Variants in ACOX2 observed in about 807,000 individuals in gnomAD.
The protein encoded by ACOX2 is peroxisomal acyl-coenzyme A oxidase 2.
In ACOX2, 59 loss-of-function variants were observed where a neutral mutation model predicts 77.5. The ratio of observed to expected loss-of-function variants is 0.76; its 90% confidence interval spans 0.62 to 0.95. The LOEUF is 0.95. ACOX2 is among the 40% of genes least tolerant of loss of function. The pLI is 0.00. For synonymous variants in ACOX2, 317 were observed against 340.1 expected, an observed-to-expected ratio of 0.93 and a Z score of 0.75; for missense variants, 837 against 880.4, an observed-to-expected ratio of 0.95 and a Z score of 0.62.
rs1389382201 is a variant in ACOX2 at position 58,534,190 on chromosome 3, G to T, written c.324-45C>A. 9 of 1,609,856 alleles carry T rather than the reference G, an allele frequency of 5.6e-6. No individual in the cohort carries two copies. The highest frequency in any genetic ancestry group is 6.8e-6 in the Non-Finnish European group (8 of 1,178,086). ...TAGTTGAGTAGCTTATTGGAGACAG[G>T]GGCCCAGGTACCCCCTGCCTGAGCA... On this transcript the variant is annotated intron_variant, in intron 3 of 14. Transcript: ENST00000302819. This position sits in a 1 kb window ranked among gnomAD's most constrained non-coding sequence, Gnocchi z 4.8.
rs749577684 is a variant in ACOX2 at position 58,531,734 on chromosome 3, A to G, written c.662T>C (p.Ile221Thr). The G allele has an allele frequency of 2.5e-6, 4 of 1,614,104 alleles. No individual in the cohort carries two copies. In the African/African-American group the frequency reaches 5.3e-5, roughly 22 times the overall value. The change falls in exon 6 of 15, where the codon ATT (isoleucine) becomes ACT (threonine). Residue 221 changes from isoleucine (I) to threonine (T), a missense_variant. Transcript: ENST00000302819. This position sits in a 1 kb window ranked among gnomAD's most constrained non-coding sequence, Gnocchi z 5.8. ...SGARRGMHAF[I>T]VPIRSLQDHT... ...GTCCTGAAGACTCCGGATTGGCACA[A>G]TAAAAGCGTGCATGCCCCGCCTGGC...
chr3:58,520,887 A>G (rs555466037), intron 12 of ACOX2, among the ~76,000 whole-genome samples: 1 of 152,170 alleles, frequency 6.6e-6, no homozygotes, highest in Non-Finnish European at 1.5e-5. Flanking sequence ...AAGGGAAAGC[A>G]TCTGGACTCA....
rs947236082 is a variant in ACOX2, at chr3:58,505,837, C to T, written c.1984-551G>A. 6.6e-6 allele frequency among the ~76,000 whole-genome samples: 1 copy of T among 152,004 alleles called. No individual in the cohort carries two copies. The highest frequency in any genetic ancestry group is 1.5e-5 in the Non-Finnish European group (1 of 68,002). On this transcript the variant is annotated intron_variant, in intron 14 of 14. Coordinates refer to ENST00000302819, the MANE Select transcript of ACOX2 (RefSeq NM_003500.4). This position sits in a 1 kb window ranked among gnomAD's most constrained non-coding sequence, Gnocchi z 4.4. ...AGACAGTATTGCTCTGTTGCCCAGG[C>T]TGGAGTGCAGTGGTGCGATTTTGGC...
Position 58,522,376 on chromosome 3 carries a change from G to T in ACOX2, c.1632+120C>A. On this transcript the variant is annotated intron_variant, in intron 12 of 14. Coordinates refer to ENST00000302819, the MANE Select transcript of ACOX2 (RefSeq NM_003500.4). The surrounding 1 kb of genome is among the most constrained non-coding windows in gnomAD (Gnocchi z 4.3). ...TGGACTAAAGCCTTGGAAGTGAAAT[G>T]AGGGCAGCCGCCACTGAAGCAGAGT... 1 of 907,610 alleles carries T rather than the reference G, an allele frequency of 1.1e-6. No individual in the cohort carries two copies. The highest frequency in any genetic ancestry group is 1.7e-6 in the Non-Finnish European group (1 of 580,592). The allele number at this position is 907,610 out of a possible 1,614,324, so 56.2% of individuals were successfully genotyped here.
Position 58,534,341 on chromosome 3 carries a change from C to T in ACOX2, c.323+19G>A, listed in dbSNP as rs752602795. The T allele has an allele frequency of 1.9e-6, 3 of 1,613,394 alleles. No homozygotes were observed. Among genetic ancestry groups the T allele is most frequent in the Non-Finnish European group, 2.5e-6 (3 of 1,179,574 alleles). On this transcript the variant is annotated intron_variant, in intron 3 of 14. Transcript: ENST00000302819. This position sits in a 1 kb window ranked among gnomAD's most constrained non-coding sequence, Gnocchi z 4.8. ...CCAGGTAGATCCCTCTCTAGTGGGG[C>T]TGCTCGAGGAGTGAGCACCTGTAAG...
rs1242325617 is a variant in ACOX2, at chr3:58,530,455, G to A, written c.992+11C>T. The A allele has an allele frequency of 1.9e-6, 3 of 1,612,472 alleles. No homozygotes were observed. ...CATATCTGCGGTAGTCAGTCACTGG[G>A]CACCCCTTGCCTGGGCCGGAGCCGG... On this transcript the variant is annotated intron_variant, in intron 8 of 14. Transcript: ENST00000302819.
Position 58,512,524 on chromosome 3 carries a change from C to T in ACOX2, c.1851-3499G>A, listed in dbSNP as rs2063295723. Among the ~76,000 whole-genome samples the T allele has an allele frequency of 1.3e-5, 2 of 152,186 alleles. No homozygotes were observed. Among genetic ancestry groups the T allele is most frequent in the African/African-American group, 2.4e-5 (1 of 41,448 alleles). On this transcript the variant is annotated intron_variant, in intron 13 of 14. Transcript: ENST00000302819. This position sits in a 1 kb window ranked among gnomAD's most constrained non-coding sequence, Gnocchi z 4.8. ...CCCATGCTCAAAACCCTCGCATTCT[C>T]TTAAGTCTTTGCAATGATCTACCTT...
chr3:58,527,804 C>T (rs2063407351), intron 9 of ACOX2, among the ~76,000 whole-genome samples: 1 of 152,134 alleles, frequency 6.6e-6, no homozygotes, highest in South Asian at 2.1e-4. Context: ...ATCCTCCCAC[C>T]TCAGCCTCCA....
At chr3:58,536,353 G>C (rs975646957) in intron 1 of ACOX2, among the ~76,000 whole-genome samples, 2 of 152,170 alleles carry the variant, frequency 1.3e-5, no homozygotes, top group Non-Finnish European at 2.9e-5. Flanking sequence ...CCATGCTTTT[G>C]ATCCCCTTCC....
chr3:58,508,658 A>G (rs2063251917), intron 14 of ACOX2, among the ~76,000 whole-genome samples: 1 of 152,086 alleles, frequency 6.6e-6, no homozygotes, highest in Admixed American at 6.5e-5. Context: ...AATTCCCTTT[A>G]CTAAGTTCCG....
Position 58,522,464 on chromosome 3 carries a change from A to G in ACOX2, c.1632+32T>C. 6.2e-7 allele frequency: 1 copy of G among 1,601,424 alleles called. No individual in the cohort carries two copies. The highest frequency in any genetic ancestry group is 8.6e-7 in the Non-Finnish European group (1 of 1,168,856). On this transcript the variant is annotated intron_variant, in intron 12 of 14. Coordinates refer to ENST00000302819, the MANE Select transcript of ACOX2 (RefSeq NM_003500.4). The surrounding 1 kb of genome is among the most constrained non-coding windows in gnomAD (Gnocchi z 4.3). The stretch of plus-strand genomic sequence containing the variant: ...GTAGCCTGCCTGGGAAGCAAAATGG[A>G]TCCCTTTCAGCTTCAGCTGGCAGGC...
rs2107998280 is a variant in ACOX2 at position 58,521,063 on chromosome 3, G to A, written c.1632+1433C>T. Among the ~76,000 whole-genome samples, 1 of 152,376 alleles carries A rather than the reference G, an allele frequency of 6.6e-6. No homozygotes were observed. Among genetic ancestry groups the A allele is most frequent in the Admixed American group, 6.5e-5 (1 of 15,308 alleles). On this transcript the variant is annotated intron_variant, in intron 12 of 14. Transcript: ENST00000302819. This position sits in a 1 kb window ranked among gnomAD's most constrained non-coding sequence, Gnocchi z 4.8. ...GGCCATAGGTTTGGAAAATGAATGA[G>A]TGGATAATGGGTGGCTGTGGTTTCT...
rs867393047 is a variant in ACOX2, at chr3:58,522,058, G to A, written c.1632+438C>T. On this transcript the variant is annotated intron_variant, in intron 12 of 14. Transcript: ENST00000302819. This position sits in a 1 kb window ranked among gnomAD's most constrained non-coding sequence, Gnocchi z 4.3. ...TCATGGTGCTTCCTTGATTGTAGCC[G>A]TGCATGGGCAGTGGCTTCACTGTTG... Among the ~76,000 whole-genome samples the A allele has an allele frequency of 8.5e-5, 13 of 152,174 alleles. No individual in the cohort carries two copies. Among genetic ancestry groups the A allele is most frequent in the African/African-American group, 1.9e-4 (8 of 41,446 alleles).
chr3:58,506,278 T>C (rs1329873151), intron 14 of ACOX2, among the ~76,000 whole-genome samples: 1 of 152,216 alleles, frequency 6.6e-6, no homozygotes, highest in East Asian at 1.9e-4. Context: ...GATTTTTGTT[T>C]TGAAATTATC....
In ACOX2 at chr3:58,534,120, T is replaced by C; in HGVS notation, c.349A>G (p.Asn117Asp). ...GCTCTCACGAAGACTCTGTGTATAT[T>C]TAAGGCCACGTCTCCAGAAAGGGCT... ...YRALSGDVAL[N>D]IHRVFVRALR... is the part of the protein sequence containing the mutation. The change falls in exon 4 of 15, where the codon AAT becomes GAT. Residue 117 changes from asparagine (N) to aspartate (D), a missense_variant. Physicochemically the swap from Asn to Asp is conservative, Grantham distance 23 (BLOSUM62 1). Transcript: ENST00000302819. This position sits in a 1 kb window ranked among gnomAD's most constrained non-coding sequence, Gnocchi z 4.8. 1.9e-6 allele frequency: 3 copies of C among 1,614,172 alleles called. No homozygotes were observed. In the South Asian group the frequency reaches 3.3e-5, roughly 18 times the overall value.
chr3:58,516,202 AT>A (rs1347459727), intron 13 of ACOX2, among the ~76,000 whole-genome samples: 5 of 152,156 alleles, frequency 3.3e-5, no homozygotes, highest in African/African-American at 1.2e-4. Flanking sequence ...GTTAAAAAAA[AT>A]TTTTCATCTT....
At position 58,508,667 on chromosome 3, in the gene ACOX2, C is replaced by T. The variant is rs150185010; in HGVS notation, c.1983+226G>A. On this transcript the variant is annotated intron_variant, in intron 14 of 14. Transcript: ENST00000302819. ...CCTCTTAATTCCCTTTACTAAGTTC[C>T]GAGCAGTGCATTTTGCTGATTACAA... 7.9e-5 allele frequency among the ~76,000 whole-genome samples: 12 copies of T among 152,236 alleles called. No homozygotes were observed. The East Asian group carries it at 1.7e-3, about 22-fold the overall frequency.
chr3:58,507,790 G>C (rs911983532), intron 14 of ACOX2, among the ~76,000 whole-genome samples: 1 of 152,184 alleles, frequency 6.6e-6, no homozygotes, highest in Admixed American at 6.5e-5. Context: ...CTGGGGACAG[G>C]GAGTGACCAA....
intron 13 of ACOX2, 34 bp from the exon 14 acceptor site, chr3:58,509,059 A>G (rs367780739): frequency 1.9e-5 from 30 of 1,610,628 alleles, no homozygotes; most frequent in Non-Finnish European, 2.5e-5. Flanking sequence ...TAAGTATTTT[A>G]GATTGCTCTT....
Sources: allele counts gnomAD v4.1 joint callset (sites outside exome capture counted in the v4.1 genomes callset), GRCh38; gene constraint gnomAD v4.1.1; non-coding constraint Gnocchi (gnomAD v3.1); transcripts MANE v1.5; gene names NCBI Gene and HGNC (gene_info 2026-07-23, HGNC 2026-07-21).